Variants in AHNAK observed in about 807,000 individuals in gnomAD.
The protein encoded by AHNAK is neuroblast differentiation-associated protein AHNAK.
A neutral mutation model predicts 37.8 loss-of-function variants in AHNAK; 23 were observed. The observed-to-expected ratio is 0.61, with a 90% CI of 0.44 to 0.86. The LOEUF is 0.86. Among genes scored for constraint, AHNAK ranks in the 40% least tolerant of loss-of-function variants. The probability of loss-of-function intolerance (pLI) is 0.00; values close to 1 mark genes in which losing one functional copy is unlikely to be tolerated. For synonymous variants in AHNAK, 2,481 were observed against 2,636.3 expected (o/e 0.94, Z 1.80); for missense variants, 7,411 against 7,319.4 (o/e 1.01, Z -0.46).
chr11:62,526,424 C>A lies in AHNAK; in HGVS notation c.7993G>T (p.Ala2665Ser). The stretch of plus-strand genomic sequence containing the variant: ...TTGGGTCCTGAGACATCAATGTCAG[C>A]CTTGGGCAGCTTCACATCCCCATCT... ...GPDGDVKLPK[A>S]DIDVSGPKVD... Residue 2665 changes from alanine (A) to serine (S), a missense_variant, in exon 5 of 5, where the codon GCT (alanine) becomes TCT (serine). Transcript: ENST00000378024. The A allele has an allele frequency of 6.2e-7, 1 of 1,611,396 alleles. No individual in the cohort carries two copies. The highest frequency in any genetic ancestry group is 1.1e-5 in the South Asian group (1 of 90,960).
At chr11:62,535,827 C>A (rs909914422) in intron 3 of AHNAK, 118 bp downstream of exon 3, 1 of 1,358,984 alleles carries the variant, frequency 7.4e-7, no homozygotes, top group Non-Finnish European at 9.9e-7. Context: ...CCTGATGCCA[C>A]TGGGAATGGG....
chr11:62,532,015 A>T lies in AHNAK; in HGVS notation c.2402T>A (p.Leu801Ter). ...AGGCATCTTAAACTTGGGCCCTTTC[A>T]ATTTCCCTTCTGGTTCCTCAATGCT... is the stretch of plus-strand genomic sequence containing the variant. ...DVSIEEPEGK[L>*]KGPKFKMPEM... Residue 801 changes from leucine to a stop codon, truncating the protein, a stop_gained, in exon 5 of 5, where the codon TTG becomes TAG. Coordinates refer to ENST00000378024, the MANE Select transcript of AHNAK (RefSeq NM_001620.3). LOFTEE classifies it low-confidence loss of function (END_TRUNC). The T allele has an allele frequency of 6.2e-7, 1 of 1,613,658 alleles. No homozygotes were observed. Among genetic ancestry groups the T allele is most frequent in the Non-Finnish European group, 8.5e-7 (1 of 1,179,956 alleles).
chr11:62,498,130 G>A (rs1939645483), intron 4 of AHNAK, among the ~76,000 whole-genome samples: 2 of 152,160 alleles, frequency 1.3e-5, no homozygotes, highest in African/African-American at 4.8e-5. Flanking sequence ...GGGGAAAAAG[G>A]AAACTGCAAA....
intron 5 of AHNAK, among the ~76,000 whole-genome samples, chr11:62,472,373 T>C (rs1278173312): frequency 6.6e-6 from 1 of 152,094 alleles, no homozygotes; most frequent in African/African-American, 2.4e-5. Context: ...TGACCCTCCC[T>C]GCATGGGCCA....
At position 62,526,119 on chromosome 11, in the gene AHNAK, C is replaced by T. The variant is rs769742203; in HGVS notation, c.8298G>A (p.Met2766Ile). ...DVHGPDWHLK[M>I]PKIKMPKISM... ...TGATCTTGGGCATTTTTATCTTGGG[C>T]ATCTTTAGGTGCCAGTCTGGGCCAT... The change falls in exon 5 of 5, where the codon ATG becomes ATA. Residue 2766 changes from methionine to isoleucine, a missense_variant. By Grantham distance (10) the Met-to-Ile change is conservative. Transcript: ENST00000378024. The T allele has an allele frequency of 5.4e-5, 87 of 1,613,354 alleles. 2 individuals are homozygous for T. The highest frequency in any genetic ancestry group is 5.7e-5 in the Non-Finnish European group (67 of 1,179,908).
At chr11:62,515,891 G>A, downstream of AHNAK, 1 of 1,125,892 alleles carries the variant, frequency 8.9e-7, no homozygotes, top group Non-Finnish European at 1.1e-6. Flanking sequence ...AGAATGCAAA[G>A]GCACAAGACA....
chr11:62,532,432 G>A lies in AHNAK; in HGVS notation c.1985C>T (p.Pro662Leu), dbSNP rs771172300. 6.2e-7 allele frequency: 1 copy of A among 1,613,844 alleles called. No homozygotes were observed. Among genetic ancestry groups the A allele is most frequent in the Non-Finnish European group, 8.5e-7 (1 of 1,180,024 alleles). The stretch of plus-strand genomic sequence containing the variant: ...ATCTGGGGCTTCCACATTGACCTTG[G>A]GCCCTGAAATACTGATATCTCCTTT... ...LPKGDISISGPKVNVEAPDVN... is the reference protein window; with the variant it reads ...LPKGDISISGLKVNVEAPDVN... Residue 662 changes from proline to leucine, a missense_variant, in exon 5 of 5, where the codon CCC (proline) becomes CTC (leucine). By Grantham distance (98) the Pro-to-Leu change is moderately conservative (BLOSUM62 -3). Coordinates refer to ENST00000378024, the MANE Select transcript of AHNAK (RefSeq NM_001620.3).
chr11:62,538,085 C>CTGA (rs1176623723), intron 1 of AHNAK, among the ~76,000 whole-genome samples: 9 of 152,118 alleles, frequency 5.9e-5, no homozygotes, highest in Non-Finnish European at 1.0e-4. Context: ...CAGTGTTCCA[C>CTGA]CTCCCTCAGA....
intron 5 of AHNAK, among the ~76,000 whole-genome samples, chr11:62,491,324 T>A (rs1003920768): frequency 6.6e-5 from 10 of 152,086 alleles, no homozygotes; most frequent in African/African-American, 2.4e-4. Context: ...CAAAAAGACT[T>A]TTTCTACACT....
rs1365082523 is a variant in AHNAK, at chr11:62,517,382, C to G, written c.17035G>C (p.Gly5679Arg). 1 of 1,614,192 alleles carries G rather than the reference C, an allele frequency of 6.2e-7. No individual in the cohort carries two copies. Among genetic ancestry groups the G allele is most frequent in the Non-Finnish European group, 8.5e-7 (1 of 1,180,020 alleles). ...SGRELVGREM[G>R]VDVHFPKAEA... ...GCTTTAGGGAAGTGAACATCCACCC[C>G]CATTTCTCTGCCAACCAGCTCACGG... Residue 5679 changes from glycine to arginine, a missense_variant, in exon 5 of 5, where the codon GGG becomes CGG. Coordinates refer to ENST00000378024, the MANE Select transcript of AHNAK (RefSeq NM_001620.3).
At position 62,529,228 on chromosome 11, in the gene AHNAK, G is replaced by A. The variant is rs142832892; in HGVS notation, c.5189C>T (p.Pro1730Leu). Residue 1730 changes from proline to leucine, a missense_variant, in exon 5 of 5, where the codon CCT (proline) becomes CTT (leucine). By Grantham distance (98) the Pro-to-Leu change is moderately conservative. Coordinates refer to ENST00000378024, the MANE Select transcript of AHNAK (RefSeq NM_001620.3). ...FSMPGFKAEGPEVDVNLPKAD... is the reference protein window; with the variant it reads ...FSMPGFKAEGLEVDVNLPKAD... The stretch of plus-strand genomic sequence containing the variant: ...CTTTGGCAGATTCACATCCACTTCA[G>A]GGCCCTCTGCTTTGAAGCCAGGCAT... 29 of 1,614,062 alleles carry A rather than the reference G, an allele frequency of 1.8e-5. No individual in the cohort carries two copies. The highest frequency in any genetic ancestry group is 2.5e-5 in the Non-Finnish European group (29 of 1,180,052).
At chr11:62,511,511 C>T (rs752173849), downstream of AHNAK, among the ~76,000 whole-genome samples, 7 of 152,186 alleles carry the variant, frequency 4.6e-5, no homozygotes, top group Non-Finnish European at 1.0e-4. Flanking sequence ...CCACCTCGAC[C>T]TCCCAAAGTG....
rs373353265 is a variant in AHNAK, at chr11:62,479,085, G to A, written c.442+12647C>T. 2.0e-5 allele frequency among the ~76,000 whole-genome samples: 3 copies of A among 151,172 alleles called. No homozygotes were observed. The East Asian group carries it at 5.8e-4, about 29-fold the overall frequency. ...TGACACAGTTAAGATGACAGAGTCT[G>A]TCTACTTCAGCACTTATTGTAATAA... On this transcript the variant is annotated intron_variant, in intron 5 of 5. Transcript: ENST00000257247.
intron 5 of AHNAK, among the ~76,000 whole-genome samples, chr11:62,479,308 C>T (rs1206917851): frequency 6.6e-6 from 1 of 151,676 alleles, no homozygotes; most frequent in Non-Finnish European, 1.5e-5. Flanking sequence ...GCTGGGATTA[C>T]AGGCATGCAC....
Position 62,518,378 on chromosome 11 carries a change from C to T in AHNAK, c.16039G>A (p.Val5347Met). ...TTTGTTGTGGCATCGATCCCTGGCACTTTCACACCGTCTCCTCCCACCTGC... is the reference window on the plus strand; with the variant it reads ...TTTGTTGTGGCATCGATCCCTGGCATTTTCACACCGTCTCCTCCCACCTGC... ...KMQVGGDGVK[V>M]PGIDATTKLN... Residue 5347 changes from valine (V) to methionine (M), a missense_variant, in exon 5 of 5, where the codon GTG becomes ATG. Val to Met is a conservative substitution (Grantham distance 21). Coordinates refer to ENST00000378024, the MANE Select transcript of AHNAK (RefSeq NM_001620.3). 1 of 1,614,144 alleles carries T rather than the reference C, an allele frequency of 6.2e-7. No individual in the cohort carries two copies. The highest frequency in any genetic ancestry group is 8.5e-7 in the Non-Finnish European group (1 of 1,180,024).
intron 1 of AHNAK, among the ~76,000 whole-genome samples, chr11:62,542,914 G>A (rs373543505): frequency 9.7e-4 from 148 of 152,286 alleles, no homozygotes; most frequent in African/African-American, 3.4e-3. Flanking sequence ...CCGGGATCTG[G>A]GGAGGGCGCT....
In AHNAK at chr11:62,527,389, C is replaced by A; in HGVS notation, c.7028G>T (p.Gly2343Val). ...GGGACCTTTGACATCCAATTCTGGA[C>A]CTTTTAACTCTCCCTCCAGCTTTGG... ...SAPKLEGELKGPELDVKGPKL... is the reference protein window; with the variant it reads ...SAPKLEGELKVPELDVKGPKL... Residue 2343 changes from glycine to valine, a missense_variant, in exon 5 of 5, where the codon GGT (glycine) becomes GTT (valine). Physicochemically the swap from Gly to Val is moderately radical, Grantham distance 109 (BLOSUM62 -3). Transcript: ENST00000378024. 6.2e-7 allele frequency: 1 copy of A among 1,614,194 alleles called. No homozygotes were observed. Among genetic ancestry groups the A allele is most frequent in the Non-Finnish European group, 8.5e-7 (1 of 1,180,034 alleles).
intron 5 of AHNAK, among the ~76,000 whole-genome samples, chr11:62,463,127 A>G (rs946195992): frequency 3.0e-5 from 4 of 134,526 alleles, no homozygotes; most frequent in Non-Finnish European, 5.1e-5. Flanking sequence ...CAGTCTCAAA[A>G]AAAAAAAAAA....
intron 5 of AHNAK, among the ~76,000 whole-genome samples, chr11:62,474,754 C>CA (rs1939108523): frequency 6.6e-6 from 1 of 152,200 alleles, no homozygotes; most frequent in Non-Finnish European, 1.5e-5. Flanking sequence ...ATACACTGAG[C>CA]ACCCCGTGCT....
Sources: allele counts gnomAD v4.1 joint callset (sites outside exome capture counted in the v4.1 genomes callset), GRCh38; gene constraint gnomAD v4.1.1; transcripts MANE v1.5; gene names NCBI Gene and HGNC (gene_info 2026-07-23, HGNC 2026-07-21).